The following ACTR3C variants were observed in gnomAD, a reference collection of about 807,000 sequenced individuals.
ACTR3C encodes the protein actin related protein 3C.
ACTR3C carries 18 observed loss-of-function variants against 26.3 expected under a neutral mutation model. That is an observed-to-expected ratio of 0.68 (90% CI 0.47 to 1.01). ACTR3C has a LOEUF of 1.01. Ranked by LOEUF, ACTR3C falls within the 50% of genes least tolerant of loss-of-function variation. The pLI, the probability that ACTR3C is intolerant of heterozygous loss-of-function variation, is 0.00. For synonymous variants in ACTR3C, 55 were observed against 94.5 expected, an observed-to-expected ratio of 0.58 and a Z score of 2.42; for missense variants, 184 against 250.7, an observed-to-expected ratio of 0.73 and a Z score of 1.80.
Position 150,274,545 on chromosome 7 carries a change from C to A in ACTR3C, c.564+10208G>T, listed in dbSNP as rs1201065949. Among the ~76,000 whole-genome samples, 1 of 152,184 alleles carries A rather than the reference C, an allele frequency of 6.6e-6. No individual in the cohort carries two copies. Among genetic ancestry groups the A allele is most frequent in the African/African-American group, 2.4e-5 (1 of 41,452 alleles). On this transcript the variant is annotated intron_variant, in intron 6 of 7. Transcript: ENST00000683684. The surrounding 1 kb of genome is among the most constrained non-coding windows in gnomAD (Gnocchi z 4.1). Reference sequence around the variant, plus strand: ...AACCCACAAAATCTCCAAGTTATGCCTGTAGTAATATCTATCACATATCAA... The same window carrying A: ...AACCCACAAAATCTCCAAGTTATGCATGTAGTAATATCTATCACATATCAA...
chr7:150,157,915 T>G, the ACTR3C span, among the ~76,000 whole-genome samples: 1 of 151,806 alleles, frequency 6.6e-6, no homozygotes, highest in Non-Finnish European at 1.5e-5. Flanking sequence ...GTGGTAGGGG[T>G]GGGGACACAG....
chr7:149,927,833 CTG>C, the ACTR3C span, among the ~76,000 whole-genome samples: 1 of 152,208 alleles, frequency 6.6e-6, no homozygotes, highest in Non-Finnish European at 1.5e-5. Context: ...CTCGGCCACA[CTG>C]TAGAACTTTG....
the ACTR3C span, among the ~76,000 whole-genome samples, chr7:150,015,686 C>T: frequency 6.6e-6 from 1 of 152,194 alleles, no homozygotes; most frequent in African/African-American, 2.4e-5. Flanking sequence ...TTCTCTCCTA[C>T]CCACATGAAT....
At chr7:150,227,032 G>A in the ACTR3C span, among the ~76,000 whole-genome samples, 17 of 146,180 alleles carry the variant, frequency 1.2e-4, 1 homozygote, top group Non-Finnish European at 1.9e-4. Flanking sequence ...ATATTTATGG[G>A]TTAAAATGTG....
chr7:150,035,842 CT>C, the ACTR3C span, among the ~76,000 whole-genome samples: 31 of 124,344 alleles, frequency 2.5e-4, 1 homozygote, highest in South Asian at 1.3e-3. Flanking sequence ...GGGGTTGCCT[CT>C]CCCCCCCTGC....
At chr7:149,962,037 TTCACAGGAAGTGAGAGC>T in the ACTR3C span, among the ~76,000 whole-genome samples, 26 of 150,942 alleles carry the variant, frequency 1.7e-4, 1 homozygote, top group East Asian at 4.7e-3. Flanking sequence ...GAAGTGTGGG[TTCACAGGAAGTGAGAGC>T]TCACAGGAAG....
the ACTR3C span, among the ~76,000 whole-genome samples, chr7:150,238,696 T>C: frequency 3.4e-5 from 5 of 148,220 alleles, no homozygotes; most frequent in East Asian, 7.9e-4. Flanking sequence ...GATTTCATAC[T>C]AGGAAATTTT....
chr7:150,262,733 T>C (rs1336281575), intron 6 of ACTR3C, among the ~76,000 whole-genome samples: 18 of 152,260 alleles, frequency 1.2e-4, no homozygotes, highest in Admixed American at 1.2e-3. Flanking sequence ...GATTCTAATA[T>C]AATCTTACAA....
At chr7:149,940,193 G>T in the ACTR3C span, among the ~76,000 whole-genome samples, 2 of 152,112 alleles carry the variant, frequency 1.3e-5, no homozygotes, top group Admixed American at 6.5e-5. Context: ...ATCTGATCAG[G>T]AAGCTAAACT....
At chr7:150,176,724 T>G in the ACTR3C span, among the ~76,000 whole-genome samples, 1 of 150,850 alleles carries the variant, frequency 6.6e-6, no homozygotes, top group Non-Finnish European at 1.5e-5. Flanking sequence ...CAACAAACTT[T>G]ATGAAGTCTT....
chr7:150,264,081 C>T (rs978166958), intron 6 of ACTR3C, among the ~76,000 whole-genome samples: 5 of 152,178 alleles, frequency 3.3e-5, no homozygotes, highest in South Asian at 2.1e-4. Flanking sequence ...CACCACCCCA[C>T]GAGTAGGCCC....
At chr7:150,075,820 C>A in the ACTR3C span, among the ~76,000 whole-genome samples, 7 of 152,152 alleles carry the variant, frequency 4.6e-5, no homozygotes, top group African/African-American at 1.7e-4. Context: ...CAGCCTGGTG[C>A]ATCTTACACA....
the ACTR3C span, among the ~76,000 whole-genome samples, chr7:150,035,499 G>A: frequency 1.6e-5 from 2 of 124,840 alleles, 1 homozygote; most frequent in Non-Finnish European, 3.6e-5. Flanking sequence ...GCGGAAGAGG[G>A]GATAGCTCTC....
chr7:150,098,305 G>A, the ACTR3C span, among the ~76,000 whole-genome samples: 1 of 151,554 alleles, frequency 6.6e-6, no homozygotes, highest in Non-Finnish European at 1.5e-5. Context: ...CAATGTAGCA[G>A]GTCTATAAAA....
intron 3 of ACTR3C, among the ~76,000 whole-genome samples, chr7:150,292,101 A>G (rs1159461360): frequency 6.7e-6 from 1 of 150,104 alleles, no homozygotes; most frequent in Admixed American, 6.6e-5. Context: ...CCATTTTTTC[A>G]ATTAAATTAA....
chr7:149,883,931 A>G, the ACTR3C span, among the ~76,000 whole-genome samples: 1 of 150,962 alleles, frequency 6.6e-6, no homozygotes, highest in South Asian at 2.1e-4. Flanking sequence ...TTCGTACCTC[A>G]GCATCCCTGA....
At chr7:150,006,185 A>AATTAATTAATTAATTAATTAATTTATTT in the ACTR3C span, among the ~76,000 whole-genome samples, 1 of 139,014 alleles carries the variant, frequency 7.2e-6, no homozygotes, top group African/African-American at 2.7e-5. Context: ...AATTGCACAG[A>AATTAATTAATTAATTAATTAATTTATTT]ATTTATTTAT....
chr7:150,307,390 A>G (rs892853829), intron 1 of ACTR3C, among the ~76,000 whole-genome samples: 5 of 152,184 alleles, frequency 3.3e-5, no homozygotes, highest in African/African-American at 7.2e-5. Context: ...TGATTAACCA[A>G]CATTACATGC....
At chr7:150,103,265 G>A in the ACTR3C span, among the ~76,000 whole-genome samples, 469 of 152,056 alleles carry the variant, frequency 3.1e-3, 20 homozygotes, top group East Asian at 0.07. Flanking sequence ...TTATTTACTC[G>A]TTCACCAGAT....
Sources: gnomAD v4.1 joint callset for allele counts (sites outside exome capture counted in the v4.1 genomes callset) on GRCh38, gnomAD v4.1.1 for gene constraint, Gnocchi (gnomAD v3.1) non-coding constraint, MANE v1.5 for transcripts, NCBI Gene and HGNC (gene_info 2026-07-23, HGNC 2026-07-21) for gene names.